Variants in PACS1 observed in about 807,000 individuals in gnomAD.
The protein encoded by PACS1 is PACS-1.
PACS1 carries 24 observed loss-of-function variants against 115.0 expected under a neutral mutation model. The observed-to-expected ratio is 0.21, with a 90% CI of 0.15 to 0.29. The LOEUF (loss-of-function observed/expected upper bound fraction) is 0.29. Ranked by LOEUF, PACS1 falls within the 10% of genes least tolerant of loss-of-function variation. The pLI is 1.00. For synonymous variants in PACS1, 453 were observed against 504.5 expected, an observed-to-expected ratio of 0.90 and a Z score of 1.37; for missense variants, 838 against 1,251.2, an observed-to-expected ratio of 0.67 and a Z score of 4.98.
intron 1 of PACS1, among the ~76,000 whole-genome samples, chr11:66,167,802 A>G (rs959758602): frequency 6.7e-6 from 1 of 149,656 alleles, no homozygotes; most frequent in Non-Finnish European, 1.5e-5. Context: ...TTGTTTCTGC[A>G]TGATTGTGGG....
intron 1 of PACS1, among the ~76,000 whole-genome samples, chr11:66,193,033 G>C (rs919947860): frequency 2.6e-5 from 4 of 152,206 alleles, no homozygotes; most frequent in Admixed American, 1.3e-4. Flanking sequence ...TGATCAGGTG[G>C]AAAGTAGAAG....
intron 1 of PACS1, among the ~76,000 whole-genome samples, chr11:66,170,479 T>C (rs1859709603): frequency 1.3e-5 from 2 of 150,550 alleles, no homozygotes; most frequent in Non-Finnish European, 2.9e-5. Context: ...GAATATTGTC[T>C]GATTTATATT....
chr11:66,156,102 T>C (rs1173601495), intron 1 of PACS1, among the ~76,000 whole-genome samples: 1 of 151,432 alleles, frequency 6.6e-6, no homozygotes, highest in African/African-American at 2.4e-5. Context: ...ATGGAAATGC[T>C]CAGTGTCTTT....
chr11:66,097,763 T>C (rs1318417641), intron 1 of PACS1, among the ~76,000 whole-genome samples: 1 of 152,248 alleles, frequency 6.6e-6, no homozygotes, highest in Non-Finnish European at 1.5e-5. Context: ...GCCATGTTAG[T>C]GGGCATGAAA....
intron 1 of PACS1, among the ~76,000 whole-genome samples, chr11:66,132,913 C>G (rs1858736114): frequency 6.6e-6 from 1 of 152,230 alleles, no homozygotes; most frequent in East Asian, 1.9e-4. Flanking sequence ...AGTGATCTCC[C>G]TGCCTTGGCC....
intron 1 of PACS1, among the ~76,000 whole-genome samples, chr11:66,156,254 A>ATATATATATATAT (rs1491402806): frequency 2.4e-5 from 2 of 82,182 alleles, no homozygotes; most frequent in African/African-American, 9.9e-5. Flanking sequence ...ATATATATAT[A>ATATATATATATAT]GTTTTTTTTT....
At chr11:66,111,966 C>T (rs1042702190) in intron 1 of PACS1, among the ~76,000 whole-genome samples, 3 of 152,144 alleles carry the variant, frequency 2.0e-5, no homozygotes, top group African/African-American at 7.2e-5. Context: ...TTTATAATGC[C>T]TGCCTCATGT....
intron 4 of PACS1, among the ~76,000 whole-genome samples, chr11:66,212,436 C>CT (rs762291488): frequency 3.0e-3 from 399 of 132,104 alleles, no homozygotes; most frequent in Middle Eastern, 4.2e-3. Context: ...CTGGCCTTAA[C>CT]TTTTTTTTTT....
In PACS1 at chr11:66,070,634, C is replaced by T. The variant is rs1348034971; in HGVS notation, c.148C>T (p.Leu50=). Residue 50 remains leucine, a synonymous_variant, in exon 1 of 24, where the codon CTG becomes TTG. Coordinates refer to ENST00000320580, the MANE Select transcript of PACS1 (RefSeq NM_018026.4). This position sits in a 1 kb window ranked among gnomAD's most constrained non-coding sequence, Gnocchi z 5.9. ...QPPQQPTPPK[L]AQATSSSSST... is the part of the protein sequence containing the mutation. ...GCCGCAGCAGCCGACGCCCCCCAAG[C>T]TGGCCCAGGCCACCTCGTCGTCCTC... 1 of 1,551,454 alleles carries T rather than the reference C, an allele frequency of 6.4e-7. No individual in the cohort carries two copies. Among genetic ancestry groups the T allele is most frequent in the South Asian group, 1.2e-5 (1 of 85,690 alleles).
At chr11:66,076,288 A>G (rs1320214975) in intron 1 of PACS1, among the ~76,000 whole-genome samples, 1 of 152,234 alleles carries the variant, frequency 6.6e-6, no homozygotes, top group South Asian at 2.1e-4. Flanking sequence ...TAGCTAAGCC[A>G]GTAAGTTGTC....
chr11:66,215,244 T>G (rs1182182598), intron 4 of PACS1, among the ~76,000 whole-genome samples: 2 of 151,950 alleles, frequency 1.3e-5, no homozygotes, highest in African/African-American at 4.8e-5. Context: ...AGCAGCCATT[T>G]TCAATCTTTG....
chr11:66,087,103 T>C (rs1205113751), intron 1 of PACS1, among the ~76,000 whole-genome samples: 1 of 151,936 alleles, frequency 6.6e-6, no homozygotes, highest in African/African-American at 2.4e-5. Context: ...CCCCAGAACA[T>C]TACCATGCCC....
chr11:66,115,161 A>G (rs1858276775), intron 1 of PACS1, among the ~76,000 whole-genome samples: 1 of 142,082 alleles, frequency 7.0e-6, no homozygotes, highest in Admixed American at 7.3e-5. Context: ...GTGAGCTGTG[A>G]TTGTGCCACT....
intron 1 of PACS1, among the ~76,000 whole-genome samples, chr11:66,173,833 A>T (rs1859792554): frequency 2.0e-5 from 3 of 152,118 alleles, no homozygotes; most frequent in Admixed American, 2.0e-4. Context: ...TGGGCAGAAC[A>T]CCTAAGGTCA....
Position 66,181,865 on chromosome 11 carries a change from T to G in PACS1, c.357-11621T>G, listed in dbSNP as rs79024825. On this transcript the variant is annotated intron_variant, in intron 1 of 23. Coordinates refer to ENST00000320580, the MANE Select transcript of PACS1 (RefSeq NM_018026.4). ...TTGTCATGAATGAAGAACTGGAATT[T>G]AAGTGACTAGGATTCGTCAAATGCT... is the stretch of plus-strand genomic sequence containing the variant. 8.3e-3 allele frequency among the ~76,000 whole-genome samples: 1,265 copies of G among 152,322 alleles called. 88 individuals carry two copies. The East Asian group carries it at 0.17, about 21-fold the overall frequency.
intron 1 of PACS1, among the ~76,000 whole-genome samples, chr11:66,160,385 T>C (rs971104668): frequency 1.3e-5 from 2 of 152,234 alleles, no homozygotes; most frequent in Admixed American, 1.3e-4. Context: ...CTTATAGTGT[T>C]ATATGTTTGC....
chr11:66,071,460 T>C (rs1213485114), intron 1 of PACS1, among the ~76,000 whole-genome samples: 3 of 152,206 alleles, frequency 2.0e-5, no homozygotes, highest in African/African-American at 7.2e-5. Flanking sequence ...ATCTCCCAGC[T>C]CTGCAGGGCT....
At chr11:66,146,628 T>G (rs1309068175) in intron 1 of PACS1, among the ~76,000 whole-genome samples, 1 of 152,078 alleles carries the variant, frequency 6.6e-6, no homozygotes, top group Non-Finnish European at 1.5e-5. Flanking sequence ...AGAAAAAAAA[T>G]GTATGAAGTA....
At chr11:66,147,975 C>T (rs1402584409) in intron 1 of PACS1, among the ~76,000 whole-genome samples, 1 of 151,274 alleles carries the variant, frequency 6.6e-6, no homozygotes, top group Non-Finnish European at 1.5e-5. Context: ...TTCTATATAC[C>T]CACAAAAATT....
Sources: allele counts gnomAD v4.1 joint callset (sites outside exome capture counted in the v4.1 genomes callset), GRCh38; gene constraint gnomAD v4.1.1; non-coding constraint Gnocchi (gnomAD v3.1); transcripts MANE v1.5; gene names NCBI Gene and HGNC (gene_info 2026-07-23, HGNC 2026-07-21).